ADGRL2: variants seen among roughly 807,000 people sequenced by gnomAD.
ADGRL2 encodes the protein calcium-independent alpha-latrotoxin receptor 2.
In ADGRL2, 44 loss-of-function variants were observed where a neutral mutation model predicts 157.4. The observed-to-expected ratio is 0.28, with a 90% CI of 0.22 to 0.36. The LOEUF (loss-of-function observed/expected upper bound fraction) is 0.36, where lower values mean the gene tolerates loss of function less well. Among genes scored for constraint, ADGRL2 ranks in the 10% least tolerant of loss-of-function variants. ADGRL2 has a pLI of 1.00. For missense variants in ADGRL2, 1,510 were observed against 1,768.9 expected (o/e 0.85, Z 2.63); for synonymous variants, 585 against 624.7 (o/e 0.94, Z 0.95).
At chr1:81,529,052 G>A (rs890115616) in intron 2 of ADGRL2, among the ~76,000 whole-genome samples, 1 of 152,194 alleles carries the variant, frequency 6.6e-6, no homozygotes. Flanking sequence ...AAAGATTTAC[G>A]AAGAGCCTTA....
At chr1:81,452,286 G>C (rs760224316) in intron 2 of ADGRL2, among the ~76,000 whole-genome samples, 1 of 152,058 alleles carries the variant, frequency 6.6e-6, no homozygotes, top group African/African-American at 2.4e-5. Context: ...ATTCCGCCCA[G>C]GTTTAGACAT....
intron 1 of ADGRL2, among the ~76,000 whole-genome samples, chr1:81,740,572 C>T (rs1025719639): frequency 2.6e-5 from 4 of 152,140 alleles, no homozygotes; most frequent in African/African-American, 7.2e-5. Context: ...GAGGCAAGAA[C>T]GTGGTTATTC....
intron 2 of ADGRL2, among the ~76,000 whole-genome samples, chr1:81,546,876 A>G (rs1234727640): frequency 3.3e-5 from 5 of 152,130 alleles, no homozygotes; most frequent in Non-Finnish European, 7.4e-5. Flanking sequence ...TCATCTCAGG[A>G]GGGACTTGTC....
chr1:81,771,557 C>T (rs1390530358), intron 2 of ADGRL2, among the ~76,000 whole-genome samples: 7 of 152,156 alleles, frequency 4.6e-5, no homozygotes, highest in Admixed American at 4.6e-4. Context: ...GAAAAAAAAT[C>T]TCTCTTGAAA....
At chr1:81,648,373 C>T (rs1227347431) in intron 3 of ADGRL2, among the ~76,000 whole-genome samples, 3 of 152,174 alleles carry the variant, frequency 2.0e-5, no homozygotes, top group Non-Finnish European at 4.4e-5. Flanking sequence ...GCTCAGAGGT[C>T]TCTGCTCCGG....
Position 81,340,743 on chromosome 1 carries a change from C to T in ADGRL2, c.-302+34234C>T, listed in dbSNP as rs1357754485. Among the ~76,000 whole-genome samples the T allele has an allele frequency of 2.0e-5, 3 of 152,026 alleles. No homozygotes were observed. The East Asian group carries it at 5.8e-4, about 29-fold the overall frequency. On this transcript the variant is annotated intron_variant, in intron 1 of 24. Coordinates refer to the ADGRL2 transcript ENST00000370721. ...TCAGTGGTGTTTTAGAATTTAGAGA[C>T]ATACCCAGTGAGACAGGAGAGGAAA... is the stretch of plus-strand genomic sequence containing the variant.
chr1:81,942,149 G>C, intron 5 of ADGRL2, 104 bp downstream of exon 5: 1 of 511,990 alleles, frequency 2.0e-6, no homozygotes, highest in Non-Finnish European at 3.6e-6. Context: ...AAAATAATCA[G>C]CAGGATCTCA....
Position 81,993,442 on chromosome 1 carries a change from CTGAT to C in ADGRL2, c.*2299_*2302del, listed in dbSNP as rs1244168602. 1.3e-5 allele frequency among the ~76,000 whole-genome samples: 2 copies of C among 151,916 alleles called. No homozygotes were observed. The highest frequency in any genetic ancestry group is 4.8e-5 in the African/African-American group (2 of 41,370). On this transcript the variant is annotated 3_prime_UTR_variant, in exon 24 of 24. Transcript: ENST00000686636. ...GTAATAAATTTTTTTAAAGGCAACA[CTGAT>C]TATTCAGTTAGTCCTATTTCTTTCT... is the stretch of plus-strand genomic sequence containing the variant.
intron 1 of ADGRL2, among the ~76,000 whole-genome samples, chr1:81,711,897 G>A (rs1413743399): frequency 1.3e-5 from 2 of 152,172 alleles, no homozygotes; most frequent in Admixed American, 6.5e-5. Flanking sequence ...ATAGATTAAT[G>A]AACATGAATT....
intron 11 of ADGRL2, among the ~76,000 whole-genome samples, chr1:81,959,638 C>A (rs777090686): frequency 1.3e-5 from 2 of 152,012 alleles, no homozygotes; most frequent in Non-Finnish European, 2.9e-5. Context: ...ATGGATATAT[C>A]CCATACTCTT....
At chr1:81,463,869 ACT>A (rs2077994064) in intron 2 of ADGRL2, among the ~76,000 whole-genome samples, 1 of 151,652 alleles carries the variant, frequency 6.6e-6, no homozygotes, top group South Asian at 2.1e-4. Context: ...TATCACCACC[ACT>A]CTCATTAAAA....
At chr1:81,765,080 C>T (rs1005859509) in intron 2 of ADGRL2, among the ~76,000 whole-genome samples, 14 of 151,590 alleles carry the variant, frequency 9.2e-5, no homozygotes, top group Non-Finnish European at 1.3e-4. Context: ...AAAATTTAAC[C>T]TTAATTTTTT....
intron 1 of ADGRL2, among the ~76,000 whole-genome samples, chr1:81,747,710 TG>T (rs1408565652): frequency 7.6e-6 from 1 of 131,436 alleles, no homozygotes; most frequent in Non-Finnish European, 1.8e-5. Context: ...TTTGTGTGTG[TG>T]TGTGTGTGTG....
chr1:81,902,072 A>T (rs1169137123), intron 2 of ADGRL2, among the ~76,000 whole-genome samples: 2 of 152,160 alleles, frequency 1.3e-5, no homozygotes, highest in African/African-American at 2.4e-5. Flanking sequence ...TTGGAAAGGT[A>T]AGACAACCCA....
intron 1 of ADGRL2, among the ~76,000 whole-genome samples, chr1:81,317,872 T>G (rs1197382942): frequency 6.6e-6 from 1 of 152,168 alleles, no homozygotes; most frequent in African/African-American, 2.4e-5. Context: ...TTATGAAACA[T>G]GGCATGATTG....
chr1:81,444,545 C>G (rs141734460), intron 1 of ADGRL2, among the ~76,000 whole-genome samples: 2 of 152,172 alleles, frequency 1.3e-5, no homozygotes, highest in Non-Finnish European at 1.5e-5. Context: ...CAGTTCCTAA[C>G]GGTCAAAGTT....
chr1:81,817,478 A>G (rs915712316), intron 1 of ADGRL2, among the ~76,000 whole-genome samples: 2 of 151,902 alleles, frequency 1.3e-5, no homozygotes, highest in Non-Finnish European at 2.9e-5. Flanking sequence ...AATAATACAC[A>G]TTTTTTTAAA....
Position 81,427,521 on chromosome 1 carries a change from AG to A in ADGRL2, c.-301-17510del, listed in dbSNP as rs377224306. On this transcript the variant is annotated intron_variant, in intron 1 of 24. Transcript: ENST00000370721. ...AGCAATCAAATTACGAACCCATGTA[AG>A]GGGGCAGTTTTGGTGGAAGAAGCTC... is the stretch of plus-strand genomic sequence containing the variant. The A allele has an allele frequency of 1.5e-4, 112 of 750,144 alleles. No homozygotes were observed. In the East Asian group the frequency reaches 1.7e-3, roughly 11 times the overall value. 46.5% of individuals were successfully genotyped at this position (750,144 alleles called of 1,614,324 possible).
intron 3 of ADGRL2, among the ~76,000 whole-genome samples, chr1:81,685,646 C>T (rs982775443): frequency 6.6e-6 from 1 of 152,132 alleles, no homozygotes; most frequent in African/African-American, 2.4e-5. Flanking sequence ...TGTCTGATTG[C>T]TCTGGCTAGG....
Sources: allele counts gnomAD v4.1 joint callset (sites outside exome capture counted in the v4.1 genomes callset), GRCh38; gene constraint gnomAD v4.1.1; transcripts MANE v1.5; gene names NCBI Gene and HGNC (gene_info 2026-07-23, HGNC 2026-07-21).